Variants in ZNF616 observed in about 807,000 individuals in gnomAD.
ZNF616 encodes zinc finger protein 616.
In ZNF616, 5 loss-of-function variants were observed where a neutral mutation model predicts 7.6. The observed-to-expected ratio is 0.66, with a 90% CI of 0.34 to 1.38. ZNF616 has a LOEUF of 1.38. ZNF616 is among the 40% of genes most tolerant of loss of function. The pLI, the probability that ZNF616 is intolerant of heterozygous loss-of-function variation, is 0.04. For missense variants in ZNF616, 913 were observed against 948.3 expected, an observed-to-expected ratio of 0.96 and a Z score of 0.49; for synonymous variants, 319 against 317.2, an observed-to-expected ratio of 1.01 and a Z score of -0.06.
chr19:52,123,310 C>T (rs2088878867), intron 3 of ZNF616, among the ~76,000 whole-genome samples: 1 of 152,138 alleles, frequency 6.6e-6, no homozygotes, highest in Non-Finnish European at 1.5e-5. Flanking sequence ...TGGTGGCTCA[C>T]ACCTGTAATC....
chr19:52,115,115 A>G lies in ZNF616; in HGVS notation c.2049T>C (p.His683=). 1.2e-6 allele frequency: 2 copies of G among 1,614,136 alleles called. No individual in the cohort carries two copies. The highest frequency in any genetic ancestry group is 1.1e-5 in the South Asian group (1 of 91,082). The change falls in exon 4 of 4, where the codon CAT becomes CAC. Residue 683 remains histidine, a synonymous_variant. Coordinates refer to ENST00000600228, the MANE Select transcript of ZNF616 (RefSeq NM_178523.5). ...SSNLTAHQII[H]AGKKPYKCDE... Reference sequence around the variant, plus strand: ...CACATTTATATGGTTTCTTTCCTGCATGAATTATCTGATGTGCAGTGAGGT... The same window carrying G: ...CACATTTATATGGTTTCTTTCCTGCGTGAATTATCTGATGTGCAGTGAGGT...
At chr19:52,131,898 T>G (rs993287455) in intron 1 of ZNF616, among the ~76,000 whole-genome samples, 2 of 152,106 alleles carry the variant, frequency 1.3e-5, no homozygotes, top group African/African-American at 4.8e-5. Context: ...CAGAGAGTTC[T>G]AGGCACAGGG....
intron 3 of ZNF616, among the ~76,000 whole-genome samples, chr19:52,118,671 T>C (rs748747296): frequency 1.3e-5 from 2 of 152,236 alleles, no homozygotes; most frequent in African/African-American, 4.8e-5. Flanking sequence ...CAATATCTAC[T>C]ATAGGTAGCC....
At chr19:52,128,741 CA>C (rs201369673) in intron 2 of ZNF616, among the ~76,000 whole-genome samples, 2,407 of 70,400 alleles carry the variant, frequency 0.034, 33 homozygotes, top group Admixed American at 0.089. Context: ...AACTCCGTCT[CA>C]AAAAAAAAAA....
chr19:52,124,894 C>T (rs113720562), intron 2 of ZNF616, among the ~76,000 whole-genome samples: 8 of 152,192 alleles, frequency 5.3e-5, no homozygotes, highest in African/African-American at 1.7e-4. Flanking sequence ...AATGCTGTGT[C>T]CCCACGTGGC....
Position 52,139,105 on chromosome 19 carries a change from C to G in ZNF616, c.-77+627G>C, listed in dbSNP as rs965188020. On this transcript the variant is annotated intron_variant, in intron 1 of 3. Coordinates refer to ENST00000600228, the MANE Select transcript of ZNF616 (RefSeq NM_178523.5). The surrounding 1 kb of genome is among the most constrained non-coding windows in gnomAD (Gnocchi z 4.1). ...ATTATCATCCATTTTGCCGTGTACTCATTCTTTTCTCCCCAGTTTTTCTTT... is the reference window on the plus strand; with the variant it reads ...ATTATCATCCATTTTGCCGTGTACTGATTCTTTTCTCCCCAGTTTTTCTTT... Among the ~76,000 whole-genome samples the G allele has an allele frequency of 1.3e-5, 2 of 152,190 alleles. No individual in the cohort carries two copies. Among genetic ancestry groups the G allele is most frequent in the African/African-American group, 4.8e-5 (2 of 41,438 alleles).
chr19:52,116,613 G>A lies in ZNF616; in HGVS notation c.551C>T (p.Thr184Met), dbSNP rs201025883. ...CLVSPHIREKTYVCNECGKAF... is the reference protein window; with the variant it reads ...CLVSPHIREKMYVCNECGKAF... ...TTTGCCACATTCATTACATACATAC[G>A]TTTTTTCCCTAATGTGTGGAGAAAC... is the stretch of plus-strand genomic sequence containing the variant. The change falls in exon 4 of 4, where the codon ACG becomes ATG. Residue 184 changes from threonine (T) to methionine (M), a missense_variant. Coordinates refer to ENST00000600228, the MANE Select transcript of ZNF616 (RefSeq NM_178523.5). 10 of 1,614,012 alleles carry A rather than the reference G, an allele frequency of 6.2e-6. No homozygotes were observed. In the South Asian group the frequency reaches 7.7e-5, roughly 12 times the overall value.
chr19:52,138,136 G>C (rs1182407081), intron 1 of ZNF616, among the ~76,000 whole-genome samples: 1 of 152,122 alleles, frequency 6.6e-6, no homozygotes, highest in Non-Finnish European at 1.5e-5. Context: ...CAGAGACCCT[G>C]TCTCAAAAAG....
chr19:52,137,848 G>C (rs957013119), intron 1 of ZNF616, among the ~76,000 whole-genome samples: 1 of 152,168 alleles, frequency 6.6e-6, no homozygotes, highest in Admixed American at 6.5e-5. Context: ...TCTTATTTCA[G>C]AAGTTAGTAA....
At chr19:52,129,764 C>T (rs901696196) in intron 2 of ZNF616, among the ~76,000 whole-genome samples, 3 of 151,538 alleles carry the variant, frequency 2.0e-5, no homozygotes, top group Non-Finnish European at 2.9e-5. Context: ...AAAGATCTCC[C>T]CTTACACGCC....
At chr19:52,124,809 C>T (rs1568560644) in intron 2 of ZNF616, among the ~76,000 whole-genome samples, 1 of 152,096 alleles carries the variant, frequency 6.6e-6, no homozygotes, top group Non-Finnish European at 1.5e-5. Flanking sequence ...ATCAAGGTGC[C>T]AGAAGGACTG....
Position 52,139,273 on chromosome 19 carries a change from G to A in ZNF616, c.-77+459C>T, listed in dbSNP as rs939596334. Reference sequence around the variant, plus strand: ...AATTTGGGAAGGAACGACAGTGGGTGTCACAAGACAGACTCGGGTGACCTC... The same window carrying A: ...AATTTGGGAAGGAACGACAGTGGGTATCACAAGACAGACTCGGGTGACCTC... On this transcript the variant is annotated intron_variant, in intron 1 of 3. Coordinates refer to ENST00000600228, the MANE Select transcript of ZNF616 (RefSeq NM_178523.5). This position sits in a 1 kb window ranked among gnomAD's most constrained non-coding sequence, Gnocchi z 4.1. Among the ~76,000 whole-genome samples the A allele has an allele frequency of 6.6e-6, 1 of 152,170 alleles. No homozygotes were observed. The highest frequency in any genetic ancestry group is 2.4e-5 in the African/African-American group (1 of 41,442).
In ZNF616 at chr19:52,116,121, G is replaced by T; in HGVS notation, c.1043C>A (p.Ala348Glu). The T allele has an allele frequency of 2.5e-6, 4 of 1,614,098 alleles. No homozygotes were observed. The highest frequency in any genetic ancestry group is 2.5e-6 in the Non-Finnish European group (3 of 1,180,032). The change falls in exon 4 of 4, where the codon GCA (alanine) becomes GAA (glutamate). Residue 348 changes from alanine (A) to glutamate (E), a missense_variant. Ala to Glu is a moderately radical substitution (Grantham distance 107). Transcript: ENST00000600228. Reference protein sequence around the residue: ...SNLTVHQVIHAGKKPYKCDVC... With the variant: ...SNLTVHQVIHEGKKPYKCDVC... ...ATCACATTTATATGGTTTCTTTCCT[G>T]CATGGATTACCTGATGTACAGTGAG...
intron 1 of ZNF616, among the ~76,000 whole-genome samples, chr19:52,130,997 G>A (rs557103383): frequency 1.5e-4 from 23 of 152,252 alleles, no homozygotes; most frequent in East Asian, 1.4e-3. Context: ...GGCTGGGAGC[G>A]GTGGCTCATG....
At chr19:52,120,725 C>A (rs1600123003) in intron 3 of ZNF616, among the ~76,000 whole-genome samples, 1 of 152,100 alleles carries the variant, frequency 6.6e-6, no homozygotes, top group Non-Finnish European at 1.5e-5. Context: ...CAAAGAAGAG[C>A]ATTATCTAAT....
Position 52,115,573 on chromosome 19 carries a change from T to C in ZNF616, c.1591A>G (p.Ser531Gly). ...YKCKECGKVFSDRSAFARHRR... is the reference protein window; with the variant it reads ...YKCKECGKVFGDRSAFARHRR... ...TGCCTTGCAAAAGCTGAACGGTCACTGAAGACCTTGCCACATTCTTTGCAT... is the reference window on the plus strand; with the variant it reads ...TGCCTTGCAAAAGCTGAACGGTCACCGAAGACCTTGCCACATTCTTTGCAT... The change falls in exon 4 of 4, where the codon AGT becomes GGT. Residue 531 changes from serine to glycine, a missense_variant. Physicochemically the swap from Ser to Gly is moderately conservative, Grantham distance 56 (BLOSUM62 0). Coordinates refer to ENST00000600228, the MANE Select transcript of ZNF616 (RefSeq NM_178523.5). 1 of 1,614,210 alleles carries C rather than the reference T, an allele frequency of 6.2e-7. No individual in the cohort carries two copies. Among genetic ancestry groups the C allele is most frequent in the Non-Finnish European group, 8.5e-7 (1 of 1,180,030 alleles).
At chr19:52,135,188 C>A (rs1446584375) in intron 1 of ZNF616, among the ~76,000 whole-genome samples, 3 of 152,114 alleles carry the variant, frequency 2.0e-5, no homozygotes, top group African/African-American at 7.2e-5. Context: ...GGGGTCCACA[C>A]CCTTCCCAGA....
chr19:52,116,724 C>T lies in ZNF616; in HGVS notation c.440G>A (p.Arg147His), dbSNP rs143649418. The change falls in exon 4 of 4, where the codon CGT becomes CAT. Residue 147 changes from arginine to histidine, a missense_variant. Physicochemically the swap from Arg to His is conservative, Grantham distance 29 (BLOSUM62 0). Coordinates refer to ENST00000600228, the MANE Select transcript of ZNF616 (RefSeq NM_178523.5). ...ENQLTSNFES[R>H]LAELQKVQTE... ...TTGAACTTTCTGCAGTTCAGCCAGACGTGACTCAAAGTTTGATGTAAGCTG... is the reference window on the plus strand; with the variant it reads ...TTGAACTTTCTGCAGTTCAGCCAGATGTGACTCAAAGTTTGATGTAAGCTG... 3.3e-4 allele frequency: 528 copies of T among 1,614,006 alleles called. 2 individuals are homozygous for T. The highest frequency in any genetic ancestry group is 4.2e-4 in the Non-Finnish European group (501 of 1,180,026).
In ZNF616 at chr19:52,115,238, AAAGG is replaced by A; in HGVS notation, c.1922_1925del (p.Ser641LeufsTer40). 3 of 1,614,214 alleles carry A rather than the reference AAAGG, an allele frequency of 1.9e-6. No individual in the cohort carries two copies. Among genetic ancestry groups the A allele is most frequent in the Non-Finnish European group, 2.5e-6 (3 of 1,180,028 alleles). ...GAAGTCTAAGATGGACACGCTGACT[AAAGG>A]AATTCCCACACTGATTGCATTTGTA... is the stretch of plus-strand genomic sequence containing the variant. On this transcript the variant is annotated frameshift_variant, in exon 4 of 4. Transcript: ENST00000600228. LOFTEE classifies it low-confidence loss of function (END_TRUNC).
Sources: gnomAD v4.1 joint callset for allele counts (sites outside exome capture counted in the v4.1 genomes callset) on GRCh38, gnomAD v4.1.1 for gene constraint, Gnocchi (gnomAD v3.1) non-coding constraint, MANE v1.5 for transcripts, NCBI Gene and HGNC (gene_info 2026-07-23, HGNC 2026-07-21) for gene names.